SNRPN: variants seen among roughly 807,000 people sequenced by gnomAD.
The protein encoded by SNRPN is small nuclear ribonucleoprotein-associated protein N.
In SNRPN, 7 loss-of-function variants were observed where a neutral mutation model predicts 25.2. That is an observed-to-expected ratio of 0.28 (90% confidence interval 0.16 to 0.52). SNRPN has a LOEUF of 0.52. Ranked by LOEUF, SNRPN falls within the 20% of genes least tolerant of loss-of-function variation. The pLI is 0.96. For missense variants in SNRPN, 196 were observed against 322.5 expected (o/e 0.61, Z 3.00); for synonymous variants, 124 against 110.6 (o/e 1.12, Z -0.76).
chr15:24,865,433 T>C lies in SNRPN; in HGVS notation c.-579+8717T>C, dbSNP rs763216243. The stretch of plus-strand genomic sequence containing the variant: ...CAAAGGCAGACAAGTACACAATCTC[T>C]AGAAACCAGTCAGACCCAGTCCATG... On this transcript the variant is annotated intron_variant, in intron 1 of 11. Coordinates refer to the SNRPN transcript ENST00000400097. Among the ~76,000 whole-genome samples the C allele has an allele frequency of 3.3e-4, 50 of 152,074 alleles. 1 individual carries two copies. The highest frequency in any genetic ancestry group is 1.2e-4 in the Non-Finnish European group (8 of 68,010).
chr15:24,940,016 T>C (rs995140877), intron 3 of SNRPN, among the ~76,000 whole-genome samples: 3 of 152,048 alleles, frequency 2.0e-5, no homozygotes, highest in East Asian at 1.9e-4. Context: ...TCTCAAACCA[T>C]TGGCCTCCTG....
At chr15:24,964,400 C>A (rs1017649656) in intron 2 of SNRPN, among the ~76,000 whole-genome samples, 4 of 152,132 alleles carry the variant, frequency 2.6e-5, no homozygotes, top group African/African-American at 9.7e-5. Context: ...TCAAGTGATT[C>A]TCCTGCCTCA....
upstream of SNRPN, among the ~76,000 whole-genome samples, chr15:24,952,059 A>G (rs1385832236): frequency 6.6e-6 from 1 of 152,136 alleles, no homozygotes; most frequent in African/African-American, 2.4e-5. Flanking sequence ...ACATATATTT[A>G]TACATGTATA....
rs145306813 is a variant in SNRPN, at chr15:24,962,208, G to A, written c.-296G>A. On this transcript the variant is annotated splice_region_variant and 5_prime_UTR_variant, in exon 2 of 10. Transcript: ENST00000390687. ...AAGGACTGCCTCACTGAGCAACCAAGAGTGAGTACAGACTGTGTTGGGAAC... is the reference window on the plus strand; with the variant it reads ...AAGGACTGCCTCACTGAGCAACCAAAAGTGAGTACAGACTGTGTTGGGAAC... The A allele has an allele frequency of 2.5e-6, 4 of 1,612,806 alleles. No individual in the cohort carries two copies. The African/African-American group carries it at 5.3e-5, about 22-fold the overall frequency.
chr15:24,952,088 A>G (rs2062327131), upstream of SNRPN, among the ~76,000 whole-genome samples: 1 of 152,184 alleles, frequency 6.6e-6, no homozygotes, highest in South Asian at 2.1e-4. Flanking sequence ...TACATGGAAT[A>G]TATGTGTAAA....
chr15:24,845,128 C>T (rs1389081567), intron 2 of SNRPN, among the ~76,000 whole-genome samples: 1 of 152,076 alleles, frequency 6.6e-6, no homozygotes, highest in Non-Finnish European at 1.5e-5. Context: ...ACCTACCAAC[C>T]ATATATGTAT....
At chr15:24,969,883 C>A (rs571834137) in intron 3 of SNRPN, among the ~76,000 whole-genome samples, 1 of 152,154 alleles carries the variant, frequency 6.6e-6, no homozygotes, top group Non-Finnish European at 1.5e-5. Flanking sequence ...ATTATGTTAT[C>A]TTTGGCCACA....
chr15:24,835,137 T>C (rs1352486731), intron 2 of SNRPN, among the ~76,000 whole-genome samples: 2 of 64,066 alleles, frequency 3.1e-5, no homozygotes, highest in African/African-American at 4.8e-5. Flanking sequence ...TATATAGATA[T>C]ATATACTATA....
upstream of SNRPN, among the ~76,000 whole-genome samples, chr15:24,854,294 T>C (rs2053174266): frequency 6.6e-6 from 1 of 152,180 alleles, no homozygotes; most frequent in Non-Finnish European, 1.5e-5. Flanking sequence ...ATTCAAACCA[T>C]AGCAAGAACA....
rs368709106 is a variant in SNRPN, at chr15:24,899,958, C to T, written c.-505+13369C>T. Reference sequence around the variant, plus strand: ...AATCTGGGAGGTTGTGTTGGTCATTCCTTTATGTTTGGGCACATTCCACAG... The same window carrying T: ...AATCTGGGAGGTTGTGTTGGTCATTTCTTTATGTTTGGGCACATTCCACAG... On this transcript the variant is annotated intron_variant, in intron 2 of 11. Coordinates refer to the SNRPN transcript ENST00000400097. Among the ~76,000 whole-genome samples the T allele has an allele frequency of 4.6e-5, 7 of 152,138 alleles. No homozygotes were observed. The East Asian group carries it at 9.6e-4, about 21-fold the overall frequency.
chr15:24,931,560 C>T (rs755098071), intron 3 of SNRPN, among the ~76,000 whole-genome samples: 18 of 151,198 alleles, frequency 1.2e-4, no homozygotes, highest in South Asian at 8.4e-4. Context: ...CTAGGCTGGG[C>T]GGGGTGCCAC....
intron 1 of SNRPN, among the ~76,000 whole-genome samples, chr15:24,872,047 T>C: frequency 8.2e-6 from 1 of 121,816 alleles, no homozygotes; most frequent in African/African-American, 2.8e-5. Context: ...CTTGATAGTA[T>C]ATGTTGAATG....
chr15:24,950,878 T>A (rs2062212665), upstream of SNRPN, among the ~76,000 whole-genome samples: 1 of 151,402 alleles, frequency 6.6e-6, no homozygotes, highest in South Asian at 2.1e-4. Flanking sequence ...TTTTTTAAAT[T>A]TGAAACGGAG....
chr15:24,915,343 G>T (rs1311448810), intron 2 of SNRPN, among the ~76,000 whole-genome samples: 4 of 152,028 alleles, frequency 2.6e-5, no homozygotes, highest in Non-Finnish European at 5.9e-5. Flanking sequence ...GGTCAGGCTG[G>T]TCTCAAACTC....
At chr15:24,974,643 C>T (rs973097195) in intron 4 of SNRPN, 187 bp downstream of exon 4, 10 of 662,498 alleles carry the variant, frequency 1.5e-5, no homozygotes, top group Non-Finnish European at 2.4e-5. Context: ...TTTTTTCAGA[C>T]GGGGTCTTGC....
At chr15:24,871,381 T>C (rs2055107383) in intron 1 of SNRPN, among the ~76,000 whole-genome samples, 1 of 152,006 alleles carries the variant, frequency 6.6e-6, no homozygotes, top group Non-Finnish European at 1.5e-5. Flanking sequence ...CTGTTTACTA[T>C]CTCTATTATT....
chr15:24,955,388 C>T (rs1020545224), intron 1 of SNRPN, among the ~76,000 whole-genome samples: 33 of 151,700 alleles, frequency 2.2e-4, no homozygotes, highest in African/African-American at 7.5e-4. Context: ...GGGCAAGGGA[C>T]ATGGGTGGAG....
intron 1 of SNRPN, among the ~76,000 whole-genome samples, chr15:24,956,213 T>TC (rs1228033987): frequency 6.6e-6 from 1 of 152,176 alleles, no homozygotes; most frequent in East Asian, 1.9e-4. Flanking sequence ...TACTTTTTTT[T>TC]CATTGTTTCT....
chr15:24,864,405 G>A (rs1298589549), intron 1 of SNRPN, among the ~76,000 whole-genome samples: 9 of 138,178 alleles, frequency 6.5e-5, no homozygotes, highest in Non-Finnish European at 1.1e-4. Context: ...ATACAATGGC[G>A]CAATCTCGGC....
Sources: gnomAD v4.1 joint callset for allele counts (sites outside exome capture counted in the v4.1 genomes callset) on GRCh38, gnomAD v4.1.1 for gene constraint, MANE v1.5 for transcripts, NCBI Gene and HGNC (gene_info 2026-07-23, HGNC 2026-07-21) for gene names.